JAM3: variants seen among roughly 807,000 people sequenced by gnomAD.
JAM3 encodes junctional adhesion molecule C.
In JAM3, 31 loss-of-function variants were observed where a neutral mutation model predicts 39.4. That is an observed-to-expected ratio of 0.79 (90% CI 0.59 to 1.06). The LOEUF is 1.06. Ranked by LOEUF, JAM3 falls within the 50% of genes least tolerant of loss-of-function variation. JAM3 has a pLI of 0.00. For missense variants in JAM3, 455 were observed against 391.4 expected (o/e 1.16, Z -1.37); for synonymous variants, 182 against 148.7 (o/e 1.22, Z -1.63).
Position 134,121,821 on chromosome 11 carries a change from G to GCGCGCACACACA in JAM3, c.77-18029_77-18028insGCGCACACACAC, listed in dbSNP as rs369702081. On this transcript the variant is annotated intron_variant, in intron 1 of 8. Coordinates refer to ENST00000299106, the MANE Select transcript of JAM3 (RefSeq NM_032801.5). ...TGATGGACACTGCGTGCATGTGTGC[G>GCGCGCACACACA]CACACACACACACACACACACACAC... 5.1e-3 allele frequency among the ~76,000 whole-genome samples: 757 copies of GCGCGCACACACA among 148,512 alleles called. 4 individuals carry two copies. Among genetic ancestry groups the GCGCGCACACACA allele is most frequent in the African/African-American group, 0.018 (730 of 40,638 alleles).
intron 1 of JAM3, among the ~76,000 whole-genome samples, chr11:134,079,350 A>C (rs975109475): frequency 6.6e-6 from 1 of 152,230 alleles, no homozygotes; most frequent in Non-Finnish European, 1.5e-5. Flanking sequence ...AGATGAAGAC[A>C]TTCAGGGACA....
rs773266699 is a variant in JAM3, at chr11:134,145,922, T to C, written c.613-24T>C. ...ATCGGCCCCATGATGGGTCCGATTA[T>C]TTACTTGTCATTCCCTGAAACAGGT... On this transcript the variant is annotated intron_variant, in intron 5 of 8. Coordinates refer to ENST00000299106, the MANE Select transcript of JAM3 (RefSeq NM_032801.5). 10 of 1,545,822 alleles carry C rather than the reference T, an allele frequency of 6.5e-6. No homozygotes were observed. In the Admixed American group the frequency reaches 8.3e-5, roughly 13 times the overall value.
intron 6 of JAM3, 77 bp from the exon 7 acceptor site, chr11:134,148,470 A>G: frequency 6.2e-7 from 1 of 1,601,292 alleles, no homozygotes; most frequent in Non-Finnish European, 8.5e-7. Context: ...TGAAGGAAGG[A>G]GGCACAGCAG....
At chr11:134,116,794 A>G (rs1481370247) in intron 1 of JAM3, among the ~76,000 whole-genome samples, 3 of 151,972 alleles carry the variant, frequency 2.0e-5, no homozygotes, top group African/African-American at 4.8e-5. Context: ...GTATACACAC[A>G]TATCTATACT....
At chr11:134,145,090 T>C in intron 5 of JAM3, 96 bp downstream of exon 5, 1 of 1,056,898 alleles carries the variant, frequency 9.5e-7, no homozygotes, top group East Asian at 2.4e-5. Flanking sequence ...CTGAAACTTC[T>C]TGATAAGACA....
At chr11:134,091,736 T>C (rs891607872) in intron 1 of JAM3, among the ~76,000 whole-genome samples, 1 of 151,830 alleles carries the variant, frequency 6.6e-6, no homozygotes. Flanking sequence ...TAAGTCTGGA[T>C]CAAGGATGTA....
chr11:134,097,864 A>G lies in JAM3; in HGVS notation c.76+28705A>G, dbSNP rs1271205009. On this transcript the variant is annotated intron_variant, in intron 1 of 8. Transcript: ENST00000299106. ...TCTTAATTTTCTTTTATATATATGT[A>G]TATATATATTTATATACACACACTT... is the stretch of plus-strand genomic sequence containing the variant. Among the ~76,000 whole-genome samples, 7 of 151,290 alleles carry G rather than the reference A, an allele frequency of 4.6e-5. No homozygotes were observed. The South Asian group carries it at 1.0e-3, about 22-fold the overall frequency.
chr11:134,144,671 C>A, intron 4 of JAM3, 121 bp from the exon 5 acceptor site: 1 of 944,898 alleles, frequency 1.1e-6, no homozygotes, highest in Non-Finnish European at 1.7e-6. Context: ...ATCCTGGGAA[C>A]AGCAGTGGCG....
intron 1 of JAM3, among the ~76,000 whole-genome samples, chr11:134,094,847 C>G (rs1236400085): frequency 6.6e-6 from 1 of 152,164 alleles, no homozygotes; most frequent in Non-Finnish European, 1.5e-5. Context: ...AGGAATTGTT[C>G]ACTGCATTTC....
At chr11:134,146,223 C>G (rs1018838584) in intron 6 of JAM3, among the ~76,000 whole-genome samples, 178 bp downstream of exon 6, 1 of 152,276 alleles carries the variant, frequency 6.6e-6, no homozygotes, top group South Asian at 2.1e-4. Flanking sequence ...AAAACCGAGT[C>G]CAGATAAGCA....
rs534936299 is a variant in JAM3, at chr11:134,142,361, C to T, written c.256+1591C>T. Among the ~76,000 whole-genome samples the T allele has an allele frequency of 2.6e-5, 4 of 152,266 alleles. No homozygotes were observed. The South Asian group carries it at 8.3e-4, about 32-fold the overall frequency. ...ACATGGTAAAGGTTCGAATCCTCCACTAATGGGTGGGTGTATAACAAAGCT... is the reference window on the plus strand; with the variant it reads ...ACATGGTAAAGGTTCGAATCCTCCATTAATGGGTGGGTGTATAACAAAGCT... On this transcript the variant is annotated intron_variant, in intron 3 of 8. Coordinates refer to ENST00000299106, the MANE Select transcript of JAM3 (RefSeq NM_032801.5).
chr11:134,115,214 TA>T (rs1269468696), intron 1 of JAM3, among the ~76,000 whole-genome samples: 2 of 152,222 alleles, frequency 1.3e-5, no homozygotes, highest in East Asian at 3.8e-4. Flanking sequence ...TTCTTTTGGC[TA>T]GTGTTAACTT....
At chr11:134,141,095 T>C (rs958315873) in intron 3 of JAM3, among the ~76,000 whole-genome samples, 3 of 151,728 alleles carry the variant, frequency 2.0e-5, no homozygotes, top group Admixed American at 6.6e-5. Flanking sequence ...CTGATGTGAG[T>C]GATGTAGGTG....
chr11:134,133,309 G>C (rs1230180050), intron 1 of JAM3, among the ~76,000 whole-genome samples: 1 of 152,110 alleles, frequency 6.6e-6, no homozygotes, highest in East Asian at 1.9e-4. Flanking sequence ...AACTGCTCTT[G>C]CTAGAAATTC....
intron 1 of JAM3, among the ~76,000 whole-genome samples, chr11:134,077,300 T>C (rs1400216000): frequency 6.6e-6 from 1 of 152,118 alleles, no homozygotes; most frequent in Non-Finnish European, 1.5e-5. Context: ...TGCCCACTTT[T>C]TAATGGGATT....
rs557098566 is a variant in JAM3 at position 134,069,522 on chromosome 11, C to T, written c.76+363C>T. ...GGGCTCATCCCCCGGGTGGGCTCCT[C>T]CCAGGCGGGGTCCTGTGCTGGGCGG... On this transcript the variant is annotated intron_variant, in intron 1 of 8. Coordinates refer to ENST00000299106, the MANE Select transcript of JAM3 (RefSeq NM_032801.5). 9.2e-5 allele frequency among the ~76,000 whole-genome samples: 14 copies of T among 151,566 alleles called. No individual in the cohort carries two copies. In the East Asian group the frequency reaches 2.2e-3, roughly 24 times the overall value.
At chr11:134,106,206 A>G (rs1365360662) in intron 1 of JAM3, among the ~76,000 whole-genome samples, 3 of 152,134 alleles carry the variant, frequency 2.0e-5, no homozygotes, top group East Asian at 1.9e-4. Flanking sequence ...ATCTACAACC[A>G]TCTGATCTTT....
At chr11:134,125,218 C>A (rs1004219122) in intron 1 of JAM3, among the ~76,000 whole-genome samples, 1 of 152,210 alleles carries the variant, frequency 6.6e-6, no homozygotes, top group South Asian at 2.1e-4. Flanking sequence ...CAGCTCCCGC[C>A]CCCTCTTCTC....
rs1943190694 is a variant in JAM3, at chr11:134,150,615, C to T, written c.*1434C>T. 1 of 152,012 alleles carries T rather than the reference C, an allele frequency of 6.6e-6. No individual in the cohort carries two copies. Among genetic ancestry groups the T allele is most frequent in the Non-Finnish European group, 1.5e-5 (1 of 68,006 alleles). The allele number at this position is 152,012 out of a possible 1,614,324, so 9.4% of individuals were successfully genotyped here. A position where few individuals can be genotyped will look rare whatever the true frequency, so the allele number is the denominator to read the frequency against. Reference sequence around the variant, plus strand: ...CAGACCTCTTTTTGGTTATGGATGGCTCACAAAATAGGGCCCCCAATGCTA... The same window carrying T: ...CAGACCTCTTTTTGGTTATGGATGGTTCACAAAATAGGGCCCCCAATGCTA... On this transcript the variant is annotated 3_prime_UTR_variant, in exon 9 of 9. Transcript: ENST00000299106.
Sources: allele counts gnomAD v4.1 joint callset (sites outside exome capture counted in the v4.1 genomes callset), GRCh38; gene constraint gnomAD v4.1.1; transcripts MANE v1.5; gene names NCBI Gene and HGNC (gene_info 2026-07-23, HGNC 2026-07-21).